The following SPTLC1 variants were observed in gnomAD, a reference collection of about 807,000 sequenced individuals.
SPTLC1 encodes serine palmitoyltransferase long chain base subunit 1.
In SPTLC1, 55 loss-of-function variants were observed where a neutral mutation model predicts 68.9. The observed-to-expected ratio is 0.80, with a 90% CI of 0.64 to 1.00. The LOEUF is 1.00. SPTLC1 is among the 50% of genes least tolerant of loss of function. SPTLC1 has a pLI of 0.00. For missense variants in SPTLC1, 449 were observed against 573.1 expected (o/e 0.78, Z 2.21); for synonymous variants, 197 against 201.6 (o/e 0.98, Z 0.19).
chr9:92,052,474 TA>T (rs372841376), intron 8 of SPTLC1, among the ~76,000 whole-genome samples: 112 of 151,898 alleles, frequency 7.4e-4, no homozygotes, highest in African/African-American at 2.7e-3. Flanking sequence ...TATAAACTCT[TA>T]GGGGGAAACA....
chr9:92,105,439 C>G, intron 3 of SPTLC1: 3 of 1,350,484 alleles, frequency 2.2e-6, no homozygotes, highest in Non-Finnish European at 1.0e-6. Context: ...GGCGTGGTGG[C>G]CCACGCCTGT....
intron 5 of SPTLC1, chr9:92,069,997 T>A (rs1834423749): frequency 6.6e-6 from 1 of 152,146 alleles, no homozygotes. Flanking sequence ...GACTTTAGAG[T>A]GAGTTACCCA....
chr9:92,043,061 G>A (rs1833405342), intron 12 of SPTLC1, among the ~76,000 whole-genome samples: 1 of 152,126 alleles, frequency 6.6e-6, no homozygotes, highest in Middle Eastern at 3.2e-3. Flanking sequence ...CAGTCATCTA[G>A]GCCGTGTCCA....
chr9:92,107,484 G>A lies in SPTLC1; in HGVS notation c.260+1256C>T, dbSNP rs375056567. ...TTGGTAAATTTGGGCCAGGTGCGGC[G>A]GCTCACGCCTGTAATCCCAGCACTT... On this transcript the variant is annotated intron_variant, in intron 3 of 14. Transcript: ENST00000262554. Among the ~76,000 whole-genome samples the A allele has an allele frequency of 9.3e-4, 141 of 152,374 alleles. 1 individual carries two copies. The highest frequency in any genetic ancestry group is 2.8e-3 in the African/African-American group (118 of 41,590).
At chr9:92,084,984 C>T (rs888676578) in intron 3 of SPTLC1, among the ~76,000 whole-genome samples, 228 of 152,250 alleles carry the variant, frequency 1.5e-3, no homozygotes, top group African/African-American at 5.1e-3. Context: ...GTGTATGTGT[C>T]GAGGAATTTA....
chr9:92,038,862 TTA>T (rs1302676222), intron 12 of SPTLC1, among the ~76,000 whole-genome samples: 2 of 152,264 alleles, frequency 1.3e-5, no homozygotes, highest in Admixed American at 6.5e-5. Flanking sequence ...TCACTACAGT[TTA>T]TGTTATGCTT....
At chr9:92,058,217 T>C (rs112509737) in intron 7 of SPTLC1, among the ~76,000 whole-genome samples, 15 of 152,368 alleles carry the variant, frequency 9.8e-5, no homozygotes, top group African/African-American at 3.4e-4. Flanking sequence ...ATATTCATCA[T>C]GAGAATGTGT....
Position 92,089,873 on chromosome 9 carries a change from T to C in SPTLC1, c.261-8910A>G, listed in dbSNP as rs149411624. 7.3e-3 allele frequency among the ~76,000 whole-genome samples: 1,114 copies of C among 152,234 alleles called. 9 individuals are homozygous for C. Among genetic ancestry groups the C allele is most frequent in the African/African-American group, 0.025 (1,041 of 41,544 alleles). On this transcript the variant is annotated intron_variant, in intron 3 of 14. Coordinates refer to ENST00000262554, the MANE Select transcript of SPTLC1 (RefSeq NM_006415.4). ...ACTAGAAAAAACAGAAGATGAACAA[T>C]AATTAGACTGACACAGTCTCCCCAT...
chr9:92,083,972 G>C (rs1305064872), intron 3 of SPTLC1, among the ~76,000 whole-genome samples: 1 of 152,156 alleles, frequency 6.6e-6, no homozygotes, highest in Non-Finnish European at 1.5e-5. Flanking sequence ...TTGTAAGTTG[G>C]ATTCCTAGGT....
At chr9:92,096,979 T>C (rs919187290) in intron 3 of SPTLC1, among the ~76,000 whole-genome samples, 2 of 152,124 alleles carry the variant, frequency 1.3e-5, no homozygotes, top group African/African-American at 2.4e-5. Flanking sequence ...GTTTTAATGA[T>C]AGAAAGAACC....
rs754082434 is a variant in SPTLC1 at position 92,108,793 on chromosome 9, A to G, written c.207T>C (p.Leu69=). 9.3e-6 allele frequency: 15 copies of G among 1,605,822 alleles called. No individual in the cohort carries two copies. The highest frequency in any genetic ancestry group is 2.2e-5 in the East Asian group (1 of 44,790). The change falls in exon 3 of 15, where the codon CTT becomes CTC. Residue 69 remains leucine, a synonymous_variant. Coordinates refer to ENST00000262554, the MANE Select transcript of SPTLC1 (RefSeq NM_006415.4). ...GATGGTCTTTTGGGACAGGAGGAAC[A>G]AGAGGTTCTGGTTGCCACTCTTCAA... is the stretch of plus-strand genomic sequence containing the variant. ...ELIEEWQPEP[L]VPPVPKDHPA...
chr9:92,108,602 A>G (rs1836095768), intron 3 of SPTLC1, 138 bp downstream of exon 3: 1 of 1,155,582 alleles, frequency 8.7e-7, no homozygotes, highest in African/African-American at 1.5e-5. Context: ...TAAAATCAGG[A>G]GCTAAAGCTG....
intron 3 of SPTLC1, among the ~76,000 whole-genome samples, chr9:92,088,690 C>A (rs576624759): frequency 1.6e-4 from 24 of 152,282 alleles, no homozygotes; most frequent in Non-Finnish European, 2.2e-4. Flanking sequence ...AAACACTTAA[C>A]CACAGCTCAA....
At chr9:92,110,188 A>G (rs1836175060) in intron 2 of SPTLC1, 1 of 152,196 alleles carries the variant, frequency 6.6e-6, no homozygotes, top group Non-Finnish European at 1.5e-5. Context: ...CACTAGCCCT[A>G]ATAACTGACA....
chr9:92,105,491 T>A, intron 3 of SPTLC1: 2 of 779,972 alleles, frequency 2.6e-6, no homozygotes, highest in East Asian at 5.4e-5. Context: ...GATCAGGAGG[T>A]CAAGAGATTG....
At chr9:92,079,180 ATTC>A (rs1409291021) in intron 5 of SPTLC1, 2 of 369,482 alleles carry the variant, frequency 5.4e-6, no homozygotes, top group Admixed American at 9.8e-5. Flanking sequence ...GGTTGAAGCA[ATTC>A]TCCCACCTCA....
rs146021912 is a variant in SPTLC1, at chr9:92,043,991, C to T, written c.1136+2008G>A. Among the ~76,000 whole-genome samples the T allele has an allele frequency of 2.9e-4, 44 of 152,266 alleles. 1 individual carries two copies. In the East Asian group the frequency reaches 4.3e-3, roughly 15 times the overall value. ...ATTGGCCTCTTTGCTATTTTGTTTA[C>T]TGTTCTCTGTAACCATCTAGATACC... On this transcript the variant is annotated intron_variant, in intron 12 of 14. Coordinates refer to ENST00000262554, the MANE Select transcript of SPTLC1 (RefSeq NM_006415.4).
At chr9:92,083,640 G>A (rs1363286412) in intron 3 of SPTLC1, among the ~76,000 whole-genome samples, 1 of 152,134 alleles carries the variant, frequency 6.6e-6, no homozygotes, top group Non-Finnish European at 1.5e-5. Context: ...TTTGGTTACT[G>A]TAGCCTTGTA....
At chr9:92,074,875 CT>C (rs746971061) in intron 5 of SPTLC1, among the ~76,000 whole-genome samples, 1 of 152,114 alleles carries the variant, frequency 6.6e-6, no homozygotes, top group Non-Finnish European at 1.5e-5. Context: ...AAGATGCCTT[CT>C]TTACCATCCC....
Sources: gnomAD v4.1 joint callset for allele counts (sites outside exome capture counted in the v4.1 genomes callset) on GRCh38, gnomAD v4.1.1 for gene constraint, MANE v1.5 for transcripts, NCBI Gene and HGNC (gene_info 2026-07-23, HGNC 2026-07-21) for gene names.